The following KIF11 variants were observed in gnomAD, a reference collection of about 807,000 sequenced individuals.
KIF11 encodes kinesin family member 11, also known as kinesin-like protein KIF11.
KIF11 carries 9 observed loss-of-function variants against 121.0 expected under a neutral mutation model. The ratio of observed to expected loss-of-function variants is 0.07; its 90% CI spans 0.04 to 0.13. The LOEUF is 0.13. Ranked by LOEUF, KIF11 falls within the 10% of genes least tolerant of loss-of-function variation. KIF11 has a pLI of 1.00. For synonymous variants in KIF11, 408 were observed against 421.0 expected (o/e 0.97, Z 0.38); for missense variants, 846 against 1,217.5 (o/e 0.69, Z 4.54).
rs942011712 is a variant in KIF11 at position 92,654,528 on chromosome 10, T to A, written c.*732T>A. ...TGCATCCTCCCTAGACTTCCCTATT[T>A]CGCTTTCTCCTCGGCTCACTTTCTC... On this transcript the variant is annotated 3_prime_UTR_variant, in exon 22 of 22. Transcript: ENST00000260731. 2.0e-5 allele frequency: 3 copies of A among 152,220 alleles called. No individual in the cohort carries two copies. The highest frequency in any genetic ancestry group is 7.2e-5 in the African/African-American group (3 of 41,452). The allele number at this position is 152,220 out of a possible 1,614,324, so 9.4% of individuals were successfully genotyped here.
In KIF11 at chr10:92,653,953, G is replaced by A. The variant is rs1339675694; in HGVS notation, c.*157G>A. 5.6e-6 allele frequency: 3 copies of A among 531,320 alleles called. No homozygotes were observed. The highest frequency in any genetic ancestry group is 9.5e-6 in the Non-Finnish European group (3 of 314,654). 32.9% of individuals were successfully genotyped at this position (531,320 alleles called of 1,614,324 possible). ...AATCCCAGCACTTTGGGAGGCTGAG[G>A]CGGGTGGATTGCTTGAGCCCAGGAG... On this transcript the variant is annotated 3_prime_UTR_variant, in exon 22 of 22. Coordinates refer to ENST00000260731, the MANE Select transcript of KIF11 (RefSeq NM_004523.4).
rs1332460777 is a variant in KIF11, at chr10:92,606,249, G to A, written c.78-16G>A. 3.8e-6 allele frequency: 6 copies of A among 1,572,502 alleles called. No individual in the cohort carries two copies. The highest frequency in any genetic ancestry group is 2.4e-5 in the South Asian group (2 of 83,828). On this transcript the variant is annotated splice_polypyrimidine_tract_variant and intron_variant, in intron 1 of 21. Transcript: ENST00000260731. ...ACTAAGAGCTCTTGAATGACTTTGT[G>A]TATTTCTTTTTATAGACCATTTAAT...
At chr10:92,606,162 G>A in intron 1 of KIF11, 103 bp from the exon 2 acceptor site, 1 of 1,065,520 alleles carries the variant, frequency 9.4e-7, no homozygotes, top group Non-Finnish European at 1.3e-6. Context: ...CAACAATGTG[G>A]TCAAAATTTC....
chr10:92,641,448 T>A (rs1844865319), intron 17 of KIF11, among the ~76,000 whole-genome samples: 1 of 152,224 alleles, frequency 6.6e-6, no homozygotes, highest in Non-Finnish European at 1.5e-5. Flanking sequence ...GGCTGTGGAA[T>A]TCAGGGTTGA....
chr10:92,602,116 C>T (rs983843637), intron 1 of KIF11, among the ~76,000 whole-genome samples: 1 of 152,134 alleles, frequency 6.6e-6, no homozygotes, highest in Admixed American at 6.6e-5. Flanking sequence ...ATAAATCCCA[C>T]TTGGTCATGG....
chr10:92,633,947 C>A, intron 14 of KIF11, 152 bp downstream of exon 14: 1 of 575,636 alleles, frequency 1.7e-6, no homozygotes, highest in Non-Finnish European at 3.0e-6. Flanking sequence ...ATAGACACGT[C>A]ACTGTGAGAG....
At chr10:92,608,111 A>T (rs529996847) in intron 4 of KIF11, among the ~76,000 whole-genome samples, 67 of 149,736 alleles carry the variant, frequency 4.5e-4, no homozygotes, top group East Asian at 1.2e-3. Context: ...AGTTAATTTA[A>T]AAAAAAAAAG....
chr10:92,627,735 A>G (rs879788222), intron 10 of KIF11, among the ~76,000 whole-genome samples: 1 of 152,188 alleles, frequency 6.6e-6, no homozygotes, highest in Non-Finnish European at 1.5e-5. Context: ...CTATAGATGA[A>G]AAAGTGGTGA....
chr10:92,627,192 T>G (rs1346539745), intron 10 of KIF11, among the ~76,000 whole-genome samples: 1 of 152,242 alleles, frequency 6.6e-6, no homozygotes, highest in Non-Finnish European at 1.5e-5. Flanking sequence ...GTTAAGGGAA[T>G]TTGTATTCAC....
chr10:92,612,900 A>T (rs1188151617), intron 6 of KIF11, 140 bp from the exon 7 acceptor site: 3 of 560,770 alleles, frequency 5.3e-6, no homozygotes, highest in South Asian at 5.4e-5. Flanking sequence ...TATCTTCCAA[A>T]ATATTCTTGA....
At chr10:92,602,259 T>C (rs1376858145) in intron 1 of KIF11, among the ~76,000 whole-genome samples, 1 of 152,212 alleles carries the variant, frequency 6.6e-6, no homozygotes, top group African/African-American at 2.4e-5. Context: ...ATCAGGGTAA[T>C]GCTTGCCTCA....
intron 18 of KIF11, among the ~76,000 whole-genome samples, chr10:92,646,003 GTGCAATGGCACGA>G (rs1287500793): frequency 6.9e-6 from 1 of 144,656 alleles, no homozygotes; most frequent in Non-Finnish European, 1.5e-5. Flanking sequence ...CCAGGCTGGA[GTGCAATGGCACGA>G]TCTCAGCTCA....
intron 9 of KIF11, among the ~76,000 whole-genome samples, chr10:92,621,152 T>G (rs1471627568): frequency 6.6e-6 from 1 of 152,232 alleles, no homozygotes; most frequent in African/African-American, 2.4e-5. Flanking sequence ...GGTTGTGGTT[T>G]TTCTTGGGAA....
intron 8 of KIF11, among the ~76,000 whole-genome samples, chr10:92,614,071 G>A (rs1313832679): frequency 1.6e-5 from 2 of 123,820 alleles, no homozygotes; most frequent in East Asian, 4.4e-4. Context: ...CACACATATA[G>A]TAGGGAAAAA....
chr10:92,631,916 C>G (rs1023292374), intron 12 of KIF11, among the ~76,000 whole-genome samples: 3 of 151,874 alleles, frequency 2.0e-5, no homozygotes, highest in African/African-American at 7.3e-5. Context: ...CTCAGGTGAT[C>G]CACCTGCCTA....
intron 6 of KIF11, among the ~76,000 whole-genome samples, chr10:92,612,039 A>G (rs1432873289): frequency 6.6e-6 from 1 of 152,230 alleles, no homozygotes; most frequent in Non-Finnish European, 1.5e-5. Flanking sequence ...GGATACAGAA[A>G]GAATGTCTTT....
chr10:92,633,880 T>C (rs1159931958), intron 14 of KIF11, 85 bp downstream of exon 14: 7 of 882,452 alleles, frequency 7.9e-6, no homozygotes, highest in Non-Finnish European at 1.2e-5. Context: ...ATTTGATAAG[T>C]CTTTATAAAC....
chr10:92,650,591 C>A, intron 21 of KIF11, 74 bp downstream of exon 21: 1 of 864,608 alleles, frequency 1.2e-6, no homozygotes, highest in South Asian at 1.4e-5. Flanking sequence ...AGGTATTGTT[C>A]GTGGTGAGCA....
At chr10:92,609,333 TGTGTGTGTG>T in intron 5 of KIF11, 43 bp from the exon 6 acceptor site, 1 of 1,567,610 alleles carries the variant, frequency 6.4e-7, no homozygotes, top group Non-Finnish European at 8.7e-7. Context: ...TGTGTGTGTG[TGTGTGTGTG>T]TTTTAACCAA....
Sources: allele counts gnomAD v4.1 joint callset (sites outside exome capture counted in the v4.1 genomes callset), GRCh38; gene constraint gnomAD v4.1.1; transcripts MANE v1.5; gene names NCBI Gene and HGNC (gene_info 2026-07-23, HGNC 2026-07-21).